The following LRRC37A2 variants were observed in gnomAD, a reference collection of about 807,000 sequenced individuals.
LRRC37A2 encodes leucine rich repeat containing 37 member A2.
In LRRC37A2, 9 loss-of-function variants were observed where a neutral mutation model predicts 68.8. The observed-to-expected ratio is 0.13, with a 90% confidence interval of 0.08 to 0.23. LRRC37A2 has a LOEUF of 0.23. LRRC37A2 is among the 10% of genes least tolerant of loss of function. The pLI is 1.00. For synonymous variants in LRRC37A2, 63 were observed against 367.6 expected, an observed-to-expected ratio of 0.17 and a Z score of 9.48; for missense variants, 168 against 950.4, an observed-to-expected ratio of 0.18 and a Z score of 10.82.
At chr17:46,976,593 G>T in the LRRC37A2 span, among the ~76,000 whole-genome samples, 1 of 151,996 alleles carries the variant, frequency 6.6e-6, no homozygotes. Flanking sequence ...CTCTTGACTC[G>T]TTCTCTTCTC....
chr17:47,006,585 C>T, the LRRC37A2 span, among the ~76,000 whole-genome samples: 1 of 152,218 alleles, frequency 6.6e-6, no homozygotes, highest in South Asian at 2.1e-4. Context: ...GCACTCCAGC[C>T]TGGGTGACAG....
chr17:46,497,500 A>G, the LRRC37A2 span, among the ~76,000 whole-genome samples: 3 of 141,664 alleles, frequency 2.1e-5, no homozygotes, highest in South Asian at 6.6e-4. Context: ...TACCTAACCT[A>G]CCTACTTAGA....
At chr17:46,806,320 C>T in the LRRC37A2 span, among the ~76,000 whole-genome samples, 1 of 144,694 alleles carries the variant, frequency 6.9e-6, no homozygotes, top group Non-Finnish European at 1.5e-5. Context: ...AGCGATTCTC[C>T]TTTCTCAGCC....
the LRRC37A2 span, among the ~76,000 whole-genome samples, chr17:47,008,244 G>A: frequency 6.6e-6 from 1 of 151,438 alleles, no homozygotes; most frequent in African/African-American, 2.4e-5. Context: ...CCGAGTAGCT[G>A]GGACTACAGG....
At chr17:46,795,870 CCTCT>C in the LRRC37A2 span, among the ~76,000 whole-genome samples, 3 of 152,184 alleles carry the variant, frequency 2.0e-5, no homozygotes, top group Non-Finnish European at 2.9e-5. Context: ...TCTGTCTCTC[CCTCT>C]CTCTCTCACA....
chr17:46,721,600 G>A, the LRRC37A2 span: 1 of 1,566,946 alleles, frequency 6.4e-7, no homozygotes, highest in South Asian at 1.1e-5. Flanking sequence ...GAAACTCTGG[G>A]AATTCAAAAT....
At chr17:46,896,003 G>A in the LRRC37A2 span, among the ~76,000 whole-genome samples, 2 of 152,136 alleles carry the variant, frequency 1.3e-5, no homozygotes, top group African/African-American at 4.8e-5. Flanking sequence ...GCCAGGCTGG[G>A]CGCAGTGGCT....
chr17:46,980,846 T>A, the LRRC37A2 span, among the ~76,000 whole-genome samples: 1 of 150,528 alleles, frequency 6.6e-6, no homozygotes, highest in Non-Finnish European at 1.5e-5. Context: ...AAAAATAAAA[T>A]AAAATAAAAT....
the LRRC37A2 span, among the ~76,000 whole-genome samples, chr17:47,002,693 A>T: frequency 2.0e-5 from 3 of 152,050 alleles, no homozygotes; most frequent in Admixed American, 6.6e-5. Flanking sequence ...CCTGGCCATT[A>T]GTTATTTTTA....
chr17:46,540,930 GTTTGT>G (rs1322310500), intron 8 of LRRC37A2, 49 bp downstream of exon 7: 91 of 1,334,748 alleles, frequency 6.8e-5, no homozygotes, highest in Non-Finnish European at 8.9e-5. Context: ...GGTTCTTTAG[GTTTGT>G]TTTATTATTT....
chr17:46,690,661 G>T, the LRRC37A2 span, among the ~76,000 whole-genome samples: 1 of 119,234 alleles, frequency 8.4e-6, no homozygotes, highest in Non-Finnish European at 1.7e-5. Context: ...GATGGGAAAG[G>T]GTTTAAAATA....
the LRRC37A2 span, chr17:46,936,637 A>G: frequency 8.1e-6 from 8 of 985,404 alleles, no homozygotes; most frequent in Non-Finnish European, 9.6e-6. Context: ...GTGGCTGAAA[A>G]TGAATACATT....
At chr17:46,625,879 TAA>T in the LRRC37A2 span, among the ~76,000 whole-genome samples, 277 of 58,988 alleles carry the variant, frequency 4.7e-3, no homozygotes, top group African/African-American at 0.02. Context: ...CCACATGTAT[TAA>T]AAAAAAAAAA....
chr17:46,823,104 A>T, the LRRC37A2 span, among the ~76,000 whole-genome samples: 3 of 129,570 alleles, frequency 2.3e-5, no homozygotes, highest in Non-Finnish European at 4.7e-5. Flanking sequence ...TTATATAATA[A>T]ACACATATAT....
At chr17:46,923,841 A>C in the LRRC37A2 span, 3 of 398,972 alleles carry the variant, frequency 7.5e-6, no homozygotes, top group African/African-American at 6.2e-5. Flanking sequence ...ATCGTCCTGC[A>C]CTTTCGGAAT....
At chr17:46,922,691 G>A in the LRRC37A2 span, 1 of 160,016 alleles carries the variant, frequency 6.2e-6, no homozygotes, top group Non-Finnish European at 1.4e-5. Context: ...ATGGGGGGTA[G>A]ATAGGCGGGA....
At chr17:46,909,104 T>G in the LRRC37A2 span, among the ~76,000 whole-genome samples, 31 of 152,222 alleles carry the variant, frequency 2.0e-4, no homozygotes, top group Admixed American at 1.1e-3. Context: ...CAGGCTGGAG[T>G]GCAGTGGCAC....
the LRRC37A2 span, among the ~76,000 whole-genome samples, chr17:46,712,199 T>C: frequency 6.7e-6 from 1 of 149,210 alleles, no homozygotes; most frequent in African/African-American, 2.5e-5. Flanking sequence ...GTAGACTAAT[T>C]AGAAATATTT....
chr17:46,795,880 TCA>T, the LRRC37A2 span, among the ~76,000 whole-genome samples: 6 of 151,834 alleles, frequency 4.0e-5, no homozygotes, highest in East Asian at 5.8e-4. Flanking sequence ...CCTCTCTCTC[TCA>T]CACACACACA....
Sources: gnomAD v4.1 joint callset for allele counts (sites outside exome capture counted in the v4.1 genomes callset) on GRCh38, gnomAD v4.1.1 for gene constraint, MANE v1.5 for transcripts, NCBI Gene and HGNC (gene_info 2026-07-23, HGNC 2026-07-21) for gene names.